HEPHL1: variants seen among roughly 807,000 people sequenced by gnomAD.
The protein encoded by HEPHL1 is hephaestin like 1.
Under a neutral mutation model 122.0 loss-of-function variants are expected in HEPHL1, and 123 were observed. The ratio of observed to expected loss-of-function variants is 1.01; its 90% confidence interval spans 0.87 to 1.17. The LOEUF is 1.17. Among genes scored for constraint, HEPHL1 ranks in the 50% most tolerant of loss-of-function variants. The pLI, the probability that HEPHL1 is intolerant of heterozygous loss-of-function variation, is 0.00. For missense variants in HEPHL1, 1,452 were observed against 1,430.5 expected, an observed-to-expected ratio of 1.01 and a Z score of -0.24; for synonymous variants, 527 against 508.9, an observed-to-expected ratio of 1.04 and a Z score of -0.48.
At chr11:94,082,098 C>T (rs946841894) in intron 9 of HEPHL1, among the ~76,000 whole-genome samples, 2 of 152,124 alleles carry the variant, frequency 1.3e-5, no homozygotes, top group Admixed American at 6.5e-5. Flanking sequence ...AGAAGCTGGG[C>T]CAGGGCTGGC....
chr11:94,087,325 T>C (rs1223450596), intron 11 of HEPHL1, among the ~76,000 whole-genome samples: 2 of 152,182 alleles, frequency 1.3e-5, no homozygotes, highest in Non-Finnish European at 2.9e-5. Flanking sequence ...GAAATGGAGC[T>C]ACTTATTCTA....
intron 2 of HEPHL1, among the ~76,000 whole-genome samples, chr11:94,047,048 G>A (rs1458291235): frequency 6.6e-6 from 1 of 152,168 alleles, no homozygotes; most frequent in Non-Finnish European, 1.5e-5. Context: ...GAACTCTGAT[G>A]GTGAACACAC....
chr11:94,070,651 G>T, intron 6 of HEPHL1, 109 bp downstream of exon 6: 3 of 823,812 alleles, frequency 3.6e-6, no homozygotes, highest in South Asian at 2.0e-5. Flanking sequence ...AGCTTATACT[G>T]CATAGATGGC....
chr11:94,075,509 A>C, intron 9 of HEPHL1, 124 bp downstream of exon 9: 1 of 666,298 alleles, frequency 1.5e-6, no homozygotes. Context: ...CTTGAAGTAG[A>C]TTTCTACATA....
chr11:94,074,614 T>A (rs1310869626), intron 8 of HEPHL1, among the ~76,000 whole-genome samples: 1 of 152,146 alleles, frequency 6.6e-6, no homozygotes, highest in African/African-American at 2.4e-5. Flanking sequence ...TTTTTGGCAG[T>A]ACGGTGTAAG....
rs1945972745 is a variant in HEPHL1, at chr11:94,060,095, TATATATATATATATATA to T, written c.416-3412_416-3396del. On this transcript the variant is annotated intron_variant, in intron 2 of 19. Coordinates refer to ENST00000315765, the MANE Select transcript of HEPHL1 (RefSeq NM_001098672.2). ...AATACCACTCAGTCATATTTTATTA[TATATATATATATATATA>T]TATATATATATATATATATATATAT... 1.7e-3 allele frequency among the ~76,000 whole-genome samples: 229 copies of T among 135,936 alleles called. 8 individuals are homozygous for T. The highest frequency in any genetic ancestry group is 6.3e-3 in the African/African-American group (208 of 32,844). 89.2% of individuals were successfully genotyped at this position (135,936 alleles called of 152,430 possible). A position where few individuals can be genotyped will look rare whatever the true frequency, so the allele number is the denominator to read the frequency against.
chr11:94,039,373 A>G (rs566599588), intron 1 of HEPHL1, among the ~76,000 whole-genome samples: 1 of 152,322 alleles, frequency 6.6e-6, no homozygotes, highest in East Asian at 1.9e-4. Context: ...AAGCAGATCT[A>G]ATTGACATCT....
At chr11:94,044,870 C>A (rs762441152) in intron 1 of HEPHL1, among the ~76,000 whole-genome samples, 47 of 151,672 alleles carry the variant, frequency 3.1e-4, no homozygotes, top group Non-Finnish European at 5.7e-4. Context: ...TCAAGTGATC[C>A]TCCCACCTTA....
chr11:94,076,195 G>A (rs376604162), intron 9 of HEPHL1, among the ~76,000 whole-genome samples: 13 of 152,192 alleles, frequency 8.5e-5, no homozygotes, highest in African/African-American at 2.4e-4. Flanking sequence ...GAACAATCCC[G>A]GAAATGTCTA....
intron 2 of HEPHL1, among the ~76,000 whole-genome samples, chr11:94,054,687 C>T (rs1340239890): frequency 1.3e-5 from 2 of 152,156 alleles, no homozygotes; most frequent in East Asian, 1.9e-4. Flanking sequence ...AACTGTTCTT[C>T]CCAGTCCATC....
chr11:94,098,947 G>A (rs1162717605), intron 13 of HEPHL1, among the ~76,000 whole-genome samples: 3 of 152,114 alleles, frequency 2.0e-5, no homozygotes, highest in South Asian at 2.1e-4. Flanking sequence ...GCTTCTTTGC[G>A]ATGGGTTCGA....
intron 2 of HEPHL1, among the ~76,000 whole-genome samples, chr11:94,046,644 C>T (rs975523275): frequency 1.3e-5 from 2 of 151,064 alleles, no homozygotes; most frequent in Non-Finnish European, 2.9e-5. Flanking sequence ...TTGCTTCAGG[C>T]GGCTGTTTTT....
At chr11:94,063,885 C>T (rs752491410) in intron 3 of HEPHL1, among the ~76,000 whole-genome samples, 165 bp downstream of exon 3, 58 of 152,170 alleles carry the variant, frequency 3.8e-4, no homozygotes, top group Non-Finnish European at 6.9e-4. Context: ...GGCAATAATT[C>T]AGATTTTTGT....
rs754052406 is a variant in HEPHL1, at chr11:94,111,048, C to G, written c.3191C>G (p.Thr1064Arg). The change falls in exon 18 of 20, where the codon ACG (threonine) becomes AGG (arginine). Residue 1064 changes from threonine (T) to arginine (R), a missense_variant. Physicochemically the swap from Thr to Arg is moderately conservative, Grantham distance 71. Coordinates refer to ENST00000315765, the MANE Select transcript of HEPHL1 (RefSeq NM_001098672.2). ...CATGCTGGCATGGAGACAACCTACA[C>G]GGTCCTTCGTAACATAGGTACGGTT... Reference protein sequence around the residue: ...HIHAGMETTYTVLRNIDNRIP... With the variant: ...HIHAGMETTYRVLRNIDNRIP... 6.3e-7 allele frequency: 1 copy of G among 1,596,888 alleles called. No individual in the cohort carries two copies. Among genetic ancestry groups the G allele is most frequent in the East Asian group, 2.3e-5 (1 of 44,422 alleles).
At chr11:94,086,949 A>G (rs1186129256) in intron 11 of HEPHL1, among the ~76,000 whole-genome samples, 3 of 152,234 alleles carry the variant, frequency 2.0e-5, no homozygotes, top group African/African-American at 7.2e-5. Flanking sequence ...TATGCTACCT[A>G]AGATGAGTAC....
chr11:94,048,432 TC>T (rs770971194), intron 2 of HEPHL1, among the ~76,000 whole-genome samples: 3 of 152,128 alleles, frequency 2.0e-5, no homozygotes, highest in Non-Finnish European at 4.4e-5. Flanking sequence ...CAGTCATGGT[TC>T]ATTGCAGCCT....
chr11:94,034,836 A>T (rs1945707122), intron 1 of HEPHL1, among the ~76,000 whole-genome samples: 1 of 152,198 alleles, frequency 6.6e-6, no homozygotes. Context: ...GTGAGCATAC[A>T]GTTGTAATGA....
intron 16 of HEPHL1, 36 bp downstream of exon 16, chr11:94,104,786 A>G (rs779380085): frequency 6.8e-7 from 1 of 1,474,494 alleles, no homozygotes; most frequent in Admixed American, 1.8e-5. Flanking sequence ...CTATGTTGAG[A>G]TAAGCTCATA....
intron 1 of HEPHL1, among the ~76,000 whole-genome samples, chr11:94,036,259 G>T (rs990903809): frequency 6.6e-6 from 1 of 152,188 alleles, no homozygotes; most frequent in Admixed American, 6.5e-5. Flanking sequence ...ATGAGGTACA[G>T]TTAAAGGCTG....
Sources: gnomAD v4.1 joint callset for allele counts (sites outside exome capture counted in the v4.1 genomes callset) on GRCh38, gnomAD v4.1.1 for gene constraint, MANE v1.5 for transcripts, NCBI Gene and HGNC (gene_info 2026-07-23, HGNC 2026-07-21) for gene names.